SPTAN1: variants seen among roughly 807,000 people sequenced by gnomAD.
SPTAN1 encodes spectrin alpha chain, non-erythrocytic 1.
SPTAN1 carries 61 observed loss-of-function variants against 331.3 expected under a neutral mutation model. That is an observed-to-expected ratio of 0.18 (90% CI 0.15 to 0.23). SPTAN1 has a LOEUF of 0.23. Ranked by LOEUF, SPTAN1 falls within the 10% of genes least tolerant of loss-of-function variation. The pLI, the probability that SPTAN1 is intolerant of heterozygous loss-of-function variation, is 1.00. For synonymous variants in SPTAN1, 1,153 were observed against 1,173.9 expected, an observed-to-expected ratio of 0.98 and a Z score of 0.36; for missense variants, 2,043 against 3,147.9, an observed-to-expected ratio of 0.65 and a Z score of 8.40.
intron 21 of SPTAN1, among the ~76,000 whole-genome samples, chr9:128,589,844 A>G (rs10819415): frequency 0.97 from 147,673 of 152,092 alleles, 71,861 homozygotes; most frequent in East Asian, 1. Flanking sequence ...CAAAGTGCTG[A>G]GATTACAGGC....
chr9:128,567,642 A>G (rs1850191321), intron 2 of SPTAN1, among the ~76,000 whole-genome samples: 1 of 152,146 alleles, frequency 6.6e-6, no homozygotes, highest in Non-Finnish European at 1.5e-5. Flanking sequence ...AAAAATTTAT[A>G]GTTATTCTGG....
rs543494879 is a variant in SPTAN1, at chr9:128,577,769, G to C, written c.1085+263G>C. Among the ~76,000 whole-genome samples the C allele has an allele frequency of 6.6e-6, 1 of 152,290 alleles. No homozygotes were observed. The highest frequency in any genetic ancestry group is 1.9e-4 in the East Asian group (1 of 5,186). ...TGATAGAATGGGAATGTCCCTTTAAGTATCTGAGTATCACATGAAATATCT... is the reference window on the plus strand; with the variant it reads ...TGATAGAATGGGAATGTCCCTTTAACTATCTGAGTATCACATGAAATATCT... On this transcript the variant is annotated intron_variant, in intron 8 of 56. Coordinates refer to ENST00000372739, the MANE Select transcript of SPTAN1 (RefSeq NM_001130438.3). This position sits in a 1 kb window ranked among gnomAD's most constrained non-coding sequence, Gnocchi z 4.2.
At position 128,629,758 on chromosome 9, in the gene SPTAN1, ATCTC is replaced by A; in HGVS notation, c.6708-558_6708-555del. On this transcript the variant is annotated intron_variant, in intron 51 of 56. Transcript: ENST00000372739. This position sits in a 1 kb window ranked among gnomAD's most constrained non-coding sequence, Gnocchi z 4.9. ...CGGGATCTGGGGTTTAGTCACAGCC[ATCTC>A]TCTCCTTTTGGCACAGTTGGTCGTG... The A allele has an allele frequency of 9.3e-6, 2 of 215,252 alleles. No individual in the cohort carries two copies. Among genetic ancestry groups the A allele is most frequent in the East Asian group, 2.2e-4 (2 of 8,910 alleles). The allele number at this position is 215,252 out of a possible 1,614,324, so 13.3% of individuals were successfully genotyped here. A position where few individuals can be genotyped will look rare whatever the true frequency, so the allele number is the denominator to read the frequency against.
chr9:128,594,769 C>T (rs928571993), intron 24 of SPTAN1, among the ~76,000 whole-genome samples: 3 of 141,682 alleles, frequency 2.1e-5, no homozygotes, highest in Non-Finnish European at 4.6e-5. Context: ...TACTGGAATG[C>T]AAATTACATA....
At chr9:128,562,952 G>T in intron 1 of SPTAN1, among the ~76,000 whole-genome samples, 1 of 146,500 alleles carries the variant, frequency 6.8e-6, no homozygotes. Flanking sequence ...GCGACAGAGT[G>T]AGACTCCGTC....
chr9:128,632,521 G>T (rs777505164), intron 54 of SPTAN1, 37 bp downstream of exon 54: 3 of 1,614,162 alleles, frequency 1.9e-6, no homozygotes, highest in South Asian at 2.2e-5. Context: ...TGGGTGGGGG[G>T]TGTTCGGCAG....
In SPTAN1 at chr9:128,632,914, T is replaced by A. The variant is rs1336154592; in HGVS notation, c.7267T>A (p.Ser2423Thr). ...TGAGAGCGCCTTCCGGGCCCTCAGC[T>A]CAGAGGGAAAGCCTTACGTGACCAA... The part of the protein sequence containing the change: ...EIESAFRALS[S>T]EGKPYVTKEE... Residue 2423 changes from serine to threonine, a missense_variant, in exon 56 of 57, where the codon TCA becomes ACA. Physicochemically the swap from Ser to Thr is moderately conservative, Grantham distance 58. This residue lies in a region of SPTAN1 where 88 missense variants were observed against 96.5 expected (regional missense o/e 0.91). Transcript: ENST00000372739. The A allele has an allele frequency of 1.2e-5, 19 of 1,613,522 alleles. No homozygotes were observed. The highest frequency in any genetic ancestry group is 1.4e-5 in the Non-Finnish European group (17 of 1,180,024).
chr9:128,553,896 T>C (rs1848386460), intron 1 of SPTAN1, among the ~76,000 whole-genome samples: 1 of 152,058 alleles, frequency 6.6e-6, no homozygotes, highest in East Asian at 1.9e-4. Context: ...TAAAACAGAA[T>C]GTATCAAAGA....
At position 128,632,539 on chromosome 9, in the gene SPTAN1, G is replaced by GC. The variant is rs1859936753; in HGVS notation, c.7014-31dup. The stretch of plus-strand genomic sequence containing the variant: ...GTGGGGGGTGTTCGGCAGCAGGGCT[G>GC]CCTGCTGAGCCGCCCTCGGCTTTGT... On this transcript the variant is annotated intron_variant, in intron 54 of 56. Transcript: ENST00000372739. The GC allele has an allele frequency of 1.9e-6, 3 of 1,614,022 alleles. No homozygotes were observed. In the African/African-American group the frequency reaches 4.0e-5, roughly 22 times the overall value.
chr9:128,569,029 T>G, intron 3 of SPTAN1, 132 bp downstream of exon 3: 1 of 1,285,062 alleles, frequency 7.8e-7, no homozygotes, highest in South Asian at 1.3e-5. Context: ...GAAGTCTCCT[T>G]AAGAAGTTAC....
At position 128,555,504 on chromosome 9, in the gene SPTAN1, A is replaced by G. The variant is rs527972851; in HGVS notation, c.-4+2808A>G. The G allele has an allele frequency of 4.7e-5, 41 of 878,566 alleles. No individual in the cohort carries two copies. In the Middle Eastern group the frequency reaches 1.3e-3, roughly 28 times the overall value. 54.4% of individuals were successfully genotyped at this position (878,566 alleles called of 1,614,324 possible). On this transcript the variant is annotated intron_variant, in intron 1 of 56. Coordinates refer to ENST00000372739, the MANE Select transcript of SPTAN1 (RefSeq NM_001130438.3). ...GGTTGAATGATCCAAAGAAAGGGGG[A>G]AAAAAACCCTGCCTGCATGACGTTT... is the stretch of plus-strand genomic sequence containing the variant.
chr9:128,558,763 G>A (rs147431730), intron 1 of SPTAN1, among the ~76,000 whole-genome samples: 54 of 152,300 alleles, frequency 3.5e-4, no homozygotes, highest in African/African-American at 1.3e-3. Flanking sequence ...TGCAGCCTCG[G>A]TTGTGGAAGG....
chr9:128,577,515 A>G lies in SPTAN1; in HGVS notation c.1085+9A>G. On this transcript the variant is annotated intron_variant, in intron 8 of 56. Coordinates refer to ENST00000372739, the MANE Select transcript of SPTAN1 (RefSeq NM_001130438.3). The surrounding 1 kb of genome is among the most constrained non-coding windows in gnomAD (Gnocchi z 4.2). ...CTCAATGATTCATACAGGTGCAAATAATGCTCCAGGTCTTAACCAGTATCA... is the reference window on the plus strand; with the variant it reads ...CTCAATGATTCATACAGGTGCAAATGATGCTCCAGGTCTTAACCAGTATCA... 1 of 1,613,290 alleles carries G rather than the reference A, an allele frequency of 6.2e-7. No individual in the cohort carries two copies. The highest frequency in any genetic ancestry group is 1.1e-5 in the South Asian group (1 of 91,056).
In SPTAN1 at chr9:128,627,637, C is replaced by T; in HGVS notation, c.6689+139C>T. 1 of 922,674 alleles carries T rather than the reference C, an allele frequency of 1.1e-6. No individual in the cohort carries two copies. Among genetic ancestry groups the T allele is most frequent in the Non-Finnish European group, 1.7e-6 (1 of 581,618 alleles). The allele number at this position is 922,674 out of a possible 1,614,324, so 57.2% of individuals were successfully genotyped here. A position where few individuals can be genotyped will look rare whatever the true frequency, so the allele number is the denominator to read the frequency against. ...GGGAATAAAGCTGGGCTGGCAACGC[C>T]TGGTCGGGCTCTGGAGCCGGGAGTG... On this transcript the variant is annotated intron_variant, in intron 50 of 56. Coordinates refer to ENST00000372739, the MANE Select transcript of SPTAN1 (RefSeq NM_001130438.3). The surrounding 1 kb of genome is among the most constrained non-coding windows in gnomAD (Gnocchi z 4.9).
At chr9:128,632,362 A>AG (rs771019045) in intron 53 of SPTAN1, 39 bp downstream of exon 53, 14 of 1,613,556 alleles carry the variant, frequency 8.7e-6, no homozygotes, top group Non-Finnish European at 1.1e-5. Flanking sequence ...AGCCCAGAGC[A>AG]GGGGGAGGAA....
At chr9:128,584,094 C>G (rs1170949357) in intron 16 of SPTAN1, 125 bp downstream of exon 16, 7 of 1,447,972 alleles carry the variant, frequency 4.8e-6, no homozygotes, top group Non-Finnish European at 6.7e-6. Flanking sequence ...TCTTAGATCG[C>G]TCTGTGCTGC....
At chr9:128,575,172 T>C (rs755647836) in intron 4 of SPTAN1, 27 bp from the exon 5 acceptor site, 26 of 1,614,192 alleles carry the variant, frequency 1.6e-5, no homozygotes, top group Non-Finnish European at 2.1e-5. Flanking sequence ...GGTTGGTGAC[T>C]CTGGCTCTCT....
Position 128,568,420 on chromosome 9 carries a change from G to C in SPTAN1, c.238-352G>C, listed in dbSNP as rs137986838. Among the ~76,000 whole-genome samples the C allele has an allele frequency of 2.4e-3, 370 of 152,288 alleles. 10 individuals carry two copies. The East Asian group carries it at 0.041, about 17-fold the overall frequency. ...GAATGTTGAGAAAACTGTTGGTATG[G>C]TTCTGTATTTCTAGAAGGGACTGGA... On this transcript the variant is annotated intron_variant, in intron 2 of 56. Transcript: ENST00000372739.
At chr9:128,612,278 G>A (rs1268758312) in intron 39 of SPTAN1, 32 bp downstream of exon 39, 3 of 1,613,890 alleles carry the variant, frequency 1.9e-6, no homozygotes, top group African/African-American at 1.3e-5. Flanking sequence ...TCCTACCAGT[G>A]GGGGATTTCT....
Sources: gnomAD v4.1 joint callset for allele counts (sites outside exome capture counted in the v4.1 genomes callset) on GRCh38, gnomAD v4.1.1 for gene constraint, gnomAD v4.1.1 regional missense constraint, Gnocchi (gnomAD v3.1) non-coding constraint, MANE v1.5 for transcripts, NCBI Gene and HGNC (gene_info 2026-07-23, HGNC 2026-07-21) for gene names.